The following DNAJC12 variants were observed in gnomAD, a reference collection of about 807,000 sequenced individuals.
DNAJC12 encodes the protein dnaJ homolog subfamily C member 12.
A neutral mutation model predicts 28.5 loss-of-function variants in DNAJC12; 25 were observed. That is an observed-to-expected ratio of 0.88 (90% CI 0.64 to 1.22). The LOEUF (loss-of-function observed/expected upper bound fraction) is 1.22, where lower values mean the gene tolerates loss of function less well. DNAJC12 is among the 50% of genes most tolerant of loss of function. The pLI, the probability that DNAJC12 is intolerant of heterozygous loss-of-function variation, is 0.00. For synonymous variants in DNAJC12, 77 were observed against 80.6 expected (o/e 0.95, Z 0.24); for missense variants, 222 against 231.7 (o/e 0.96, Z 0.27).
chr10:67,797,859 T>C lies in DNAJC12; in HGVS notation c.503-649A>G, dbSNP rs1282316889. ...ATCAAGACCATCCTGGCTAACACGG[T>C]GAAACCCCGTCTCTACTAAAAATAC... On this transcript the variant is annotated intron_variant, in intron 4 of 4. Transcript: ENST00000225171. 3.3e-5 allele frequency among the ~76,000 whole-genome samples: 5 copies of C among 151,958 alleles called. No individual in the cohort carries two copies. The South Asian group carries it at 8.3e-4, about 25-fold the overall frequency.
chr10:67,820,725 AAATT>A (rs1841972981), intron 2 of DNAJC12, among the ~76,000 whole-genome samples: 1 of 152,190 alleles, frequency 6.6e-6, no homozygotes, highest in South Asian at 2.1e-4. Flanking sequence ...TTTCTAGAGA[AAATT>A]AATAAAGAAC....
At chr10:67,807,201 CA>C (rs1240012365) in intron 3 of DNAJC12, among the ~76,000 whole-genome samples, 1 of 151,768 alleles carries the variant, frequency 6.6e-6, no homozygotes, top group Non-Finnish European at 1.5e-5. Flanking sequence ...GCAGAGGTTG[CA>C]GTGAGCTGGT....
Position 67,838,130 on chromosome 10 carries a change from A to G in DNAJC12, c.-119T>C. The G allele has an allele frequency of 1.5e-6, 1 of 645,220 alleles. No individual in the cohort carries two copies. The allele number at this position is 645,220 out of a possible 1,614,324, so 40.0% of individuals were successfully genotyped here. ...CAGCATGTTCCACATAGCAAAAACT[A>G]GCTTTAAGACTGGCCACAGTCAATA... On this transcript the variant is annotated 5_prime_UTR_variant, in exon 1 of 5. Transcript: ENST00000225171.
chr10:67,798,686 C>G (rs1841705319), intron 4 of DNAJC12, among the ~76,000 whole-genome samples: 1 of 150,074 alleles, frequency 6.7e-6, no homozygotes. Flanking sequence ...TCTCAAAAAA[C>G]AAACAGATAA....
intron 4 of DNAJC12, among the ~76,000 whole-genome samples, chr10:67,797,520 A>G (rs1397122298): frequency 7.0e-6 from 1 of 143,108 alleles, no homozygotes; most frequent in East Asian, 5.2e-4. Context: ...AACAAATTAC[A>G]CAGTTTTCAA....
chr10:67,803,509 C>T (rs1841768988), intron 4 of DNAJC12, among the ~76,000 whole-genome samples: 1 of 152,192 alleles, frequency 6.6e-6, no homozygotes, highest in Admixed American at 6.5e-5. Flanking sequence ...CAAGTCTATA[C>T]TACTTTTGTT....
intron 1 of DNAJC12, among the ~76,000 whole-genome samples, chr10:67,826,958 T>C (rs979704406): frequency 2.9e-5 from 4 of 136,686 alleles, no homozygotes; most frequent in African/African-American, 1.1e-4. Flanking sequence ...ATATCATGAT[T>C]TATATATATC....
At chr10:67,818,557 C>T (rs1239687029) in intron 2 of DNAJC12, among the ~76,000 whole-genome samples, 1 of 152,108 alleles carries the variant, frequency 6.6e-6, no homozygotes, top group Non-Finnish European at 1.5e-5. Context: ...AATTGTTTGT[C>T]AGGGACAGAG....
intron 3 of DNAJC12, among the ~76,000 whole-genome samples, chr10:67,810,280 C>G (rs1338440656): frequency 4.6e-5 from 7 of 152,064 alleles, no homozygotes; most frequent in African/African-American, 1.7e-4. Context: ...CCATCAGGAC[C>G]CTCATCCAAT....
At position 67,818,598 on chromosome 10, in the gene DNAJC12, G is replaced by T. The variant is rs1482819679; in HGVS notation, c.157+4716C>A. On this transcript the variant is annotated intron_variant, in intron 2 of 4. Coordinates refer to ENST00000225171, the MANE Select transcript of DNAJC12 (RefSeq NM_021800.3). ...ACTCACAGTCATGCTTCACTGAAAA[G>T]AACCCAGTTAAAGAATAACCTGGGG... 3.9e-5 allele frequency among the ~76,000 whole-genome samples: 6 copies of T among 152,042 alleles called. No homozygotes were observed. The East Asian group carries it at 5.8e-4, about 15-fold the overall frequency.
rs887529897 is a variant in DNAJC12, at chr10:67,819,660, G to A, written c.157+3654C>T. On this transcript the variant is annotated intron_variant, in intron 2 of 4. Transcript: ENST00000225171. Reference sequence around the variant, plus strand: ...ACAAAAAAAGAAAGAAAGAAAGAAAGAGAAAGAAAGAAAGAAAGAAAGAAA... The same window carrying A: ...ACAAAAAAAGAAAGAAAGAAAGAAAAAGAAAGAAAGAAAGAAAGAAAGAAA... 4.1e-3 allele frequency among the ~76,000 whole-genome samples: 143 copies of A among 34,924 alleles called. 4 individuals carry two copies. The highest frequency in any genetic ancestry group is 0.013 in the African/African-American group (99 of 7,880). The allele number at this position is 34,924 out of a possible 152,430, so 22.9% of individuals were successfully genotyped here. A position where few individuals can be genotyped will look rare whatever the true frequency, so the allele number is the denominator to read the frequency against.
intron 4 of DNAJC12, among the ~76,000 whole-genome samples, chr10:67,800,111 C>A (rs1241368047): frequency 6.7e-6 from 1 of 148,984 alleles, no homozygotes; most frequent in East Asian, 2.0e-4. Flanking sequence ...CAGTCCCAGC[C>A]ATTTGGGGGC....
intron 3 of DNAJC12, among the ~76,000 whole-genome samples, chr10:67,809,573 T>C (rs927927543): frequency 5.9e-5 from 9 of 152,024 alleles, no homozygotes; most frequent in Non-Finnish European, 1.2e-4. Flanking sequence ...AGACTTAGTG[T>C]AGGGAAAAAA....
intron 4 of DNAJC12, among the ~76,000 whole-genome samples, chr10:67,805,320 G>A (rs1027432337): frequency 1.3e-5 from 2 of 152,148 alleles, no homozygotes; most frequent in African/African-American, 4.8e-5. Flanking sequence ...TGTAAAGAGT[G>A]TTCCTGCACA....
Position 67,835,629 on chromosome 10 carries a change from G to A in DNAJC12, c.78+2305C>T, listed in dbSNP as rs1485749637. On this transcript the variant is annotated intron_variant, in intron 1 of 4. Coordinates refer to ENST00000225171, the MANE Select transcript of DNAJC12 (RefSeq NM_021800.3). ...CACTTGAACCTGGGAGGCGGAGGTTGCAGTGACCTGAGATTGCACCACTGC... is the reference window on the plus strand; with the variant it reads ...CACTTGAACCTGGGAGGCGGAGGTTACAGTGACCTGAGATTGCACCACTGC... 4.0e-5 allele frequency among the ~76,000 whole-genome samples: 6 copies of A among 151,654 alleles called. No homozygotes were observed. In the Admixed American group the frequency reaches 4.0e-4, roughly 10 times the overall value.
At chr10:67,820,488 C>T (rs941792304) in intron 2 of DNAJC12, among the ~76,000 whole-genome samples, 13 of 152,136 alleles carry the variant, frequency 8.5e-5, no homozygotes, top group African/African-American at 3.1e-4. Flanking sequence ...AAAGGGATTT[C>T]TGGGGTGCTG....
chr10:67,797,126 T>C lies in DNAJC12; in HGVS notation c.587A>G (p.Tyr196Cys). The stretch of plus-strand genomic sequence containing the variant: ...TGAAGCAGAGATATTTCATATTTCA[T>C]AGTTTCTGAACTTCCTCAGGAGTTC... ...PSELLRKFRNYEI is the reference protein window; with the variant it reads ...PSELLRKFRNCEI Residue 196 changes from tyrosine (Y) to cysteine (C), a missense_variant, in exon 5 of 5, where the codon TAT (tyrosine) becomes TGT (cysteine). By Grantham distance (194) the Tyr-to-Cys change is radical. Transcript: ENST00000225171. 6.2e-7 allele frequency: 1 copy of C among 1,613,146 alleles called. No homozygotes were observed. The highest frequency in any genetic ancestry group is 1.3e-5 in the African/African-American group (1 of 75,028).
chr10:67,806,130 C>T (rs1477077793), intron 3 of DNAJC12, among the ~76,000 whole-genome samples: 1 of 152,146 alleles, frequency 6.6e-6, no homozygotes, highest in African/African-American at 2.4e-5. Flanking sequence ...TTTGAGTTTG[C>T]TGTATCAAGA....
chr10:67,832,516 TTAAAA>T (rs1333932804), intron 1 of DNAJC12, among the ~76,000 whole-genome samples: 1 of 152,076 alleles, frequency 6.6e-6, no homozygotes, highest in African/African-American at 2.4e-5. Flanking sequence ...GTTATAACAC[TTAAAA>T]TACAATAACT....
Sources: allele counts gnomAD v4.1 joint callset (sites outside exome capture counted in the v4.1 genomes callset), GRCh38; gene constraint gnomAD v4.1.1; transcripts MANE v1.5; gene names NCBI Gene and HGNC (gene_info 2026-07-23, HGNC 2026-07-21).